Variants in SYN1 observed in about 807,000 individuals in gnomAD.
SYN1 encodes synapsin-1.
Under a neutral mutation model 44.6 loss-of-function variants are expected in SYN1, and 8 were observed. The observed-to-expected ratio is 0.18, with a 90% CI of 0.11 to 0.32. The LOEUF (loss-of-function observed/expected upper bound fraction) is 0.32, where lower values mean the gene tolerates loss of function less well. Ranked by LOEUF, SYN1 falls within the 10% of genes least tolerant of loss-of-function variation. The pLI is 1.00. For missense variants in SYN1, 451 were observed against 639.4 expected, an observed-to-expected ratio of 0.71 and a Z score of 3.18; for synonymous variants, 275 against 280.1, an observed-to-expected ratio of 0.98 and a Z score of 0.18.
chrX:47,574,319 C>G lies in SYN1; in HGVS notation c.1665G>C (p.Gln555His). 1 of 1,072,753 alleles carries G rather than the reference C, an allele frequency of 9.3e-7. No homozygotes were observed. Among genetic ancestry groups the G allele is most frequent in the Non-Finnish European group, 1.2e-6 (1 of 834,233 alleles). The allele number at this position is 1,072,753 out of a possible 1,213,427, so 88.4% of individuals were successfully genotyped here. The change falls in exon 12 of 13, where the codon CAG (glutamine) becomes CAC (histidine). Residue 555 changes from glutamine (Q) to histidine (H), a missense_variant. By Grantham distance (24) the Gln-to-His change is conservative (BLOSUM62 0). Around this residue, in one of 3 missense-constraint regions of SYN1, gnomAD observed 127 missense variants for 154.8 expected, o/e 0.82. Coordinates refer to ENST00000295987, the MANE Select transcript of SYN1 (RefSeq NM_006950.3). ...TAGCCTGTGGGGGGCCCGCCTGGCG[C>G]TGGGGAGACGGAGAGGCGGGCGGGC... ...AARPPASPSPQRQAGPPQATR... is the reference protein window; with the variant it reads ...AARPPASPSPHRQAGPPQATR...
intron 1 of SYN1, among the ~76,000 whole-genome samples, chrX:47,615,628 C>T (rs964677815): frequency 1.8e-5 from 2 of 112,008 alleles, no homozygotes; most frequent in African/African-American, 3.2e-5. Flanking sequence ...ACCAGAGAGC[C>T]GGGCACGGTG....
intron 1 of SYN1, among the ~76,000 whole-genome samples, chrX:47,615,964 G>A (rs753677673): frequency 3.8e-4 from 42 of 111,757 alleles, no homozygotes; most frequent in African/African-American, 1.3e-3. Context: ...TCAACTTAGA[G>A]TTTTCAACTT....
Position 47,619,635 on chromosome X carries a change from G to A in SYN1, c.94C>T (p.Pro32Ser). 1.7e-6 allele frequency: 2 copies of A among 1,160,600 alleles called. No homozygotes were observed. The highest frequency in any genetic ancestry group is 2.3e-6 in the Non-Finnish European group (2 of 869,290). ...MTDLQRPQPP[P>S]PPPGAHSPGA... ...GGGCTGTGGGCACCGGGCGGCGGTG[G>A]GGGCGGCTGCGGACGCTGCAGGTCT... Residue 32 changes from proline (P) to serine (S), a missense_variant, in exon 1 of 13, where the codon CCA (proline) becomes TCA (serine). Pro to Ser is a moderately conservative substitution (Grantham distance 74). Around this residue, in one of 3 missense-constraint regions of SYN1, gnomAD observed 315 missense variants for 451.4 expected, o/e 0.70. Transcript: ENST00000295987.
chrX:47,577,063 C>T (rs1370850808), intron 6 of SYN1, among the ~76,000 whole-genome samples: 1 of 111,084 alleles, frequency 9.0e-6, no homozygotes, highest in Non-Finnish European at 1.9e-5. Flanking sequence ...GAGACAAAAT[C>T]AGATGGATGT....
intron 5 of SYN1, among the ~76,000 whole-genome samples, chrX:47,589,438 C>CAA (rs200553434): frequency 4.1e-5 from 4 of 96,670 alleles, no homozygotes; most frequent in Non-Finnish European, 8.4e-5. Flanking sequence ...CTAAAAATAC[C>CAA]AAAAAAAAAA....
At chrX:47,579,811 A>AT (rs776746036) in intron 5 of SYN1, among the ~76,000 whole-genome samples, 4 of 108,686 alleles carry the variant, frequency 3.7e-5, no homozygotes, top group Admixed American at 9.8e-5. Flanking sequence ...GCTCCTACAG[A>AT]TTTTTTTGGT....
At chrX:47,585,664 C>T (rs1322634449) in intron 5 of SYN1, 3 of 1,207,495 alleles carry the variant, frequency 2.5e-6, no homozygotes, top group Non-Finnish European at 3.4e-6. Flanking sequence ...GTGAGGAATG[C>T]ACAGTGAGTG....
chrX:47,574,770 C>G lies in SYN1; in HGVS notation c.1311G>C (p.Pro437=). 2.5e-6 allele frequency: 3 copies of G among 1,183,903 alleles called. No homozygotes were observed. Among genetic ancestry groups the G allele is most frequent in the Non-Finnish European group, 3.4e-6 (3 of 881,082 alleles). Residue 437 remains proline, a synonymous_variant, in exon 11 of 13, where the codon CCG becomes CCC. Coordinates refer to ENST00000295987, the MANE Select transcript of SYN1 (RefSeq NM_006950.3). ...GGCCCAAGGGCAGGGCCCCTGGGGA[C>G]GGAGTCTGCGGCAGAGGAATGGAGC... ...SPGRGSHGQT[P]SPGALPLGRQ...
At chrX:47,591,941 A>G (rs1294800775) in intron 5 of SYN1, among the ~76,000 whole-genome samples, 2 of 112,113 alleles carry the variant, frequency 1.8e-5, no homozygotes, top group Non-Finnish European at 3.8e-5. Flanking sequence ...CTTTGATCAT[A>G]CACTAAAGTT....
In SYN1 at chrX:47,575,080, G is replaced by A. The variant is rs202126671; in HGVS notation, c.1305+48C>T. ...CATGGCACAGCATGACCCAGGGCCG[G>A]CCTCCCCACACTAGCTCAAGCCACT... On this transcript the variant is annotated intron_variant, in intron 10 of 12. Transcript: ENST00000295987. 1.9e-4 allele frequency: 218 copies of A among 1,168,696 alleles called. 2 individuals are homozygous for A. In the East Asian group the frequency reaches 6.3e-3, roughly 34 times the overall value.
At chrX:47,578,848 C>T (rs1003196914) in intron 5 of SYN1, among the ~76,000 whole-genome samples, 7 of 111,183 alleles carry the variant, frequency 6.3e-5, no homozygotes, top group Non-Finnish European at 1.1e-4. Flanking sequence ...TCAGGGTGAC[C>T]GATTGACCTT....
chrX:47,590,098 C>T (rs751844841), intron 5 of SYN1: 6 of 111,129 alleles, frequency 5.4e-5, no homozygotes, highest in Non-Finnish European at 1.1e-4. Context: ...TACTAAGATC[C>T]CAGCTCTTTA....
intron 5 of SYN1, chrX:47,590,037 C>T (rs979555646): frequency 2.7e-5 from 3 of 111,195 alleles, no homozygotes; most frequent in Non-Finnish European, 5.7e-5. Flanking sequence ...TGACCCTGCT[C>T]TGCCTGAAGG....
intron 5 of SYN1, chrX:47,586,306 C>T: frequency 1.3e-6 from 1 of 754,555 alleles, no homozygotes; most frequent in South Asian, 6.7e-5. Flanking sequence ...TATTCCCCAG[C>T]CACCATTCCA....
chrX:47,585,236 C>G, intron 5 of SYN1: 1 of 1,199,711 alleles, frequency 8.3e-7, no homozygotes. Flanking sequence ...TTAGGGGATG[C>G]CGCTGACATC....
chrX:47,617,874 T>C (rs1244950817), intron 1 of SYN1, among the ~76,000 whole-genome samples: 1 of 111,260 alleles, frequency 9.0e-6, no homozygotes, highest in Admixed American at 9.5e-5. Flanking sequence ...ACTGGATCCA[T>C]TAGAAGAAAA....
intron 1 of SYN1, among the ~76,000 whole-genome samples, chrX:47,617,915 A>G (rs901952136): frequency 9.0e-6 from 1 of 111,664 alleles, no homozygotes; most frequent in Non-Finnish European, 1.9e-5. Context: ...GGGGATGGAC[A>G]TATAGTCACC....
At chrX:47,576,706 C>T in intron 6 of SYN1, 66 bp from the exon 7 acceptor site, 2 of 1,185,365 alleles carry the variant, frequency 1.7e-6, no homozygotes, top group Non-Finnish European at 2.3e-6. Context: ...GTGGGGGTGC[C>T]TGGGGGAGCA....
At chrX:47,587,724 C>T (rs994936027) in intron 5 of SYN1, among the ~76,000 whole-genome samples, 2 of 110,712 alleles carry the variant, frequency 1.8e-5, no homozygotes, top group Admixed American at 9.6e-5. Flanking sequence ...AAATACTCCC[C>T]TCTGAGGCCT....
Sources: gnomAD v4.1 joint callset for allele counts (sites outside exome capture counted in the v4.1 genomes callset) on GRCh38, gnomAD v4.1.1 for gene constraint, gnomAD v4.1.1 regional missense constraint, MANE v1.5 for transcripts, NCBI Gene and HGNC (gene_info 2026-07-23, HGNC 2026-07-21) for gene names.